MFGE8: variants seen among roughly 807,000 people sequenced by gnomAD.
MFGE8 encodes lactadherin.
A neutral mutation model predicts 42.6 loss-of-function variants in MFGE8; 34 were observed. The observed-to-expected ratio is 0.80, with a 90% confidence interval of 0.61 to 1.06. The LOEUF (loss-of-function observed/expected upper bound fraction) is 1.06, where lower values mean the gene tolerates loss of function less well. MFGE8 is among the 50% of genes least tolerant of loss of function. The pLI, the probability that MFGE8 is intolerant of heterozygous loss-of-function variation, is 0.00. For synonymous variants in MFGE8, 230 were observed against 214.8 expected (o/e 1.07, Z -0.62); for missense variants, 510 against 516.9 (o/e 0.99, Z 0.13).
rs1012103579 is a variant in MFGE8, at chr15:88,899,082, G to A, written c.*313C>T. On this transcript the variant is annotated 3_prime_UTR_variant, in exon 8 of 8. Transcript: ENST00000268150. This position sits in a 1 kb window ranked among gnomAD's most constrained non-coding sequence, Gnocchi z 6.8. Reference sequence around the variant, plus strand: ...CACACGCACCTGGGATCGGCGGTCCGGACAGGGGCAGGGAAACCACACGCC... The same window carrying A: ...CACACGCACCTGGGATCGGCGGTCCAGACAGGGGCAGGGAAACCACACGCC... The A allele has an allele frequency of 1.0e-4, 46 of 455,110 alleles. No individual in the cohort carries two copies. The highest frequency in any genetic ancestry group is 2.7e-4 in the Admixed American group (8 of 29,320). 28.2% of individuals were successfully genotyped at this position (455,110 alleles called of 1,614,324 possible).
At chr15:88,900,989 TCACACACACACATTCA>T (rs796175245) in intron 6 of MFGE8, among the ~76,000 whole-genome samples, 19 of 78,574 alleles carry the variant, frequency 2.4e-4, no homozygotes, top group South Asian at 7.6e-4. Context: ...ACACACACAT[TCACACACACACATTCA>T]CACACACACA....
rs1899045731 is a variant in MFGE8, at chr15:88,913,120, G to GC, written c.73+126dup. Reference sequence around the variant, plus strand: ...GCGCAGCGGAAGAAGCCGCCCCTCTGCCCAGCCCGGTCCCCGGGGCTTTGT... The same window carrying GC: ...GCGCAGCGGAAGAAGCCGCCCCTCTGCCCCAGCCCGGTCCCCGGGGCTTTGT... On this transcript the variant is annotated intron_variant, in intron 1 of 7. Coordinates refer to ENST00000268150, the MANE Select transcript of MFGE8 (RefSeq NM_005928.4). 8 of 1,357,102 alleles carry GC rather than the reference G, an allele frequency of 5.9e-6. No individual in the cohort carries two copies. The South Asian group carries it at 1.3e-4, about 22-fold the overall frequency. 84.1% of individuals were successfully genotyped at this position (1,357,102 alleles called of 1,614,324 possible).
chr15:88,908,276 G>A (rs898826902), intron 2 of MFGE8, among the ~76,000 whole-genome samples: 13 of 152,218 alleles, frequency 8.5e-5, no homozygotes, highest in Middle Eastern at 3.4e-3. Flanking sequence ...TCACAGGCGC[G>A]GACGAGCTCA....
In MFGE8 at chr15:88,905,825, C is replaced by G. The variant is rs1195114799; in HGVS notation, c.617G>C (p.Arg206Thr). ...FETPVEAQYVRLYPTSCHTAC... is the reference protein window; with the variant it reads ...FETPVEAQYVTLYPTSCHTAC... ...CGTGTGGCAGCTCGTGGGGTACAAT[C>G]TCACGTACTGAGCCTCCACAGGGGT... The change falls in exon 5 of 8, where the codon AGA becomes ACA. Residue 206 changes from arginine to threonine, a missense_variant. Transcript: ENST00000268150. This position sits in a 1 kb window ranked among gnomAD's most constrained non-coding sequence, Gnocchi z 6.6. The G allele has an allele frequency of 1.9e-6, 3 of 1,614,240 alleles. No homozygotes were observed. The highest frequency in any genetic ancestry group is 2.5e-6 in the Non-Finnish European group (3 of 1,180,046).
At chr15:88,907,003 T>TC (rs1223109347) in intron 3 of MFGE8, among the ~76,000 whole-genome samples, 192 bp downstream of exon 3, 9 of 151,952 alleles carry the variant, frequency 5.9e-5, no homozygotes, top group Non-Finnish European at 1.3e-4. Context: ...TGGGGCCTCC[T>TC]CCCCCCTCAC....
At chr15:88,912,929 C>A (rs1446559016) in intron 1 of MFGE8, 15 of 985,194 alleles carry the variant, frequency 1.5e-5, no homozygotes, top group Non-Finnish European at 1.4e-5. Flanking sequence ...AGTTCCCTGG[C>A]CTCATTTTTC....
chr15:88,911,753 C>T (rs769790798), intron 1 of MFGE8, among the ~76,000 whole-genome samples: 1 of 151,082 alleles, frequency 6.6e-6, no homozygotes, highest in Non-Finnish European at 1.5e-5. Flanking sequence ...AAAAAAAAAA[C>T]CTTTTTGCCT....
Position 88,907,328 on chromosome 15 carries a change from T to A in MFGE8, c.254A>T (p.Gln85Leu). 1.2e-6 allele frequency: 2 copies of A among 1,614,194 alleles called. No homozygotes were observed. The highest frequency in any genetic ancestry group is 2.2e-5 in the South Asian group (2 of 91,088). The change falls in exon 3 of 8, where the codon CAG (glutamine) becomes CTG (leucine). Residue 85 changes from glutamine (Q) to leucine (L), a missense_variant. By Grantham distance (113) the Gln-to-Leu change is moderately radical. Transcript: ENST00000268150. ...CACACGCACAGACGAGGCGGCGATC[T>A]GTGAGTTGGCAATGTTCCCATTCTC... ...GLENGNIANS[Q>L]IAASSVRVTF...
At chr15:88,901,833 C>G (rs79962447) in intron 5 of MFGE8, 98 bp from the exon 6 acceptor site, 75 of 1,199,234 alleles carry the variant, frequency 6.3e-5, no homozygotes, top group Non-Finnish European at 8.6e-5. Context: ...TGGATCCTGA[C>G]CAGCCCCTGT....
chr15:88,911,314 T>C (rs1192520824), intron 1 of MFGE8, among the ~76,000 whole-genome samples: 2 of 152,216 alleles, frequency 1.3e-5, no homozygotes, highest in Non-Finnish European at 2.9e-5. Context: ...CTCAATCCCT[T>C]GACTCTGGTG....
At chr15:88,909,127 G>A (rs894198800) in intron 2 of MFGE8, among the ~76,000 whole-genome samples, 1 of 152,162 alleles carries the variant, frequency 6.6e-6, no homozygotes, top group African/African-American at 2.4e-5. Flanking sequence ...ACTCCAGCTG[G>A]GCCTGGAGGG....
At position 88,906,593 on chromosome 15, in the gene MFGE8, A is replaced by G; in HGVS notation, c.540+33T>C. On this transcript the variant is annotated intron_variant, in intron 4 of 7. Coordinates refer to ENST00000268150, the MANE Select transcript of MFGE8 (RefSeq NM_005928.4). This position sits in a 1 kb window ranked among gnomAD's most constrained non-coding sequence, Gnocchi z 4.2. ...GCTAGAACCTTAGGGGGTATGGACCACAGCCCTTCTTTCGGGCCCCAACAA... is the reference window on the plus strand; with the variant it reads ...GCTAGAACCTTAGGGGGTATGGACCGCAGCCCTTCTTTCGGGCCCCAACAA... 2 of 1,613,360 alleles carry G rather than the reference A, an allele frequency of 1.2e-6. No individual in the cohort carries two copies. Among genetic ancestry groups the G allele is most frequent in the Non-Finnish European group, 1.7e-6 (2 of 1,179,570 alleles).
chr15:88,901,452 G>A (rs1898424731), intron 6 of MFGE8, 99 bp downstream of exon 6: 5 of 1,199,316 alleles, frequency 4.2e-6, no homozygotes, highest in Non-Finnish European at 6.1e-6. Context: ...CTCTTTTGGG[G>A]AGCAGAAGAG....
Position 88,905,604 on chromosome 15 carries a change from G to A in MFGE8, c.685+153C>T, listed in dbSNP as rs766606163. 5.0e-6 allele frequency: 5 copies of A among 992,200 alleles called. No individual in the cohort carries two copies. Among genetic ancestry groups the A allele is most frequent in the African/African-American group, 1.6e-5 (1 of 62,744 alleles). 61.5% of individuals were successfully genotyped at this position (992,200 alleles called of 1,614,324 possible). A position where few individuals can be genotyped will look rare whatever the true frequency, so the allele number is the denominator to read the frequency against. On this transcript the variant is annotated intron_variant, in intron 5 of 7. Transcript: ENST00000268150. This position sits in a 1 kb window ranked among gnomAD's most constrained non-coding sequence, Gnocchi z 6.6. ...CTGGGTGGGGCTGCTATGGCCAGGT[G>A]ACCCCCTAGAGTGCGTTGCCCGAGT...
At position 88,901,679 on chromosome 15, in the gene MFGE8, C is replaced by T. The variant is rs1354791423; in HGVS notation, c.742G>A (p.Ala248Thr). Residue 248 changes from alanine to threonine, a missense_variant, in exon 6 of 8, where the codon GCC becomes ACC. Physicochemically the swap from Ala to Thr is moderately conservative, Grantham distance 58 (BLOSUM62 0). Coordinates refer to ENST00000268150, the MANE Select transcript of MFGE8 (RefSeq NM_005928.4). ...NNSIPDKQIT[A>T]SSSYKTWGLH... The stretch of plus-strand genomic sequence containing the variant: ...CCCCAGGTCTTGTAGCTGCTGGAGG[C>T]CGTGATCTGCTTGTCAGGGATGCTG... 6.2e-7 allele frequency: 1 copy of T among 1,613,816 alleles called. No homozygotes were observed.
chr15:88,902,082 T>C lies in MFGE8; in HGVS notation c.686-347A>G. Reference sequence around the variant, plus strand: ...GACACCTCCTCCAAGAAGTCTGCCCTGACTACTTCACTTGGGCAGGATTTC... The same window carrying C: ...GACACCTCCTCCAAGAAGTCTGCCCCGACTACTTCACTTGGGCAGGATTTC... On this transcript the variant is annotated intron_variant, in intron 5 of 7. Transcript: ENST00000268150. This position sits in a 1 kb window ranked among gnomAD's most constrained non-coding sequence, Gnocchi z 4.3. 2.8e-6 allele frequency: 1 copy of C among 356,552 alleles called. No individual in the cohort carries two copies. Among genetic ancestry groups the C allele is most frequent in the South Asian group, 2.5e-5 (1 of 40,666 alleles). The allele number at this position is 356,552 out of a possible 1,614,324, so 22.1% of individuals were successfully genotyped here.
Position 88,913,265 on chromosome 15 carries a change from TG to T in MFGE8, c.54del (p.Ser19AlafsTer75). ...CACTCACCCAGGGCGACGAGGAGGC[TG>T]GGGGCGCAGAGCAGCGCGCCGCACA... is the stretch of plus-strand genomic sequence containing the variant. ...AALCGALLCA[P>X]SLLVALDICS... is the part of the protein sequence containing the mutation. On this transcript the variant is annotated frameshift_variant, in exon 1 of 8. Coordinates refer to ENST00000268150, the MANE Select transcript of MFGE8 (RefSeq NM_005928.4). LOFTEE classifies it high-confidence loss of function. 12 of 1,504,994 alleles carry T rather than the reference TG, an allele frequency of 8.0e-6. No individual in the cohort carries two copies. The highest frequency in any genetic ancestry group is 2.1e-5 in the Admixed American group (1 of 47,572). 93.2% of individuals were successfully genotyped at this position (1,504,994 alleles called of 1,614,324 possible). A position where few individuals can be genotyped will look rare whatever the true frequency, so the allele number is the denominator to read the frequency against.
intron 2 of MFGE8, among the ~76,000 whole-genome samples, chr15:88,908,995 C>A (rs1015591975): frequency 1.3e-5 from 2 of 152,166 alleles, no homozygotes; most frequent in Admixed American, 6.5e-5. Context: ...AGATGCTCAG[C>A]GATTGACCTG....
Position 88,901,623 on chromosome 15 carries a change from A to G in MFGE8, c.798T>C (p.Tyr266=). The G allele has an allele frequency of 6.2e-7, 1 of 1,612,272 alleles. No individual in the cohort carries two copies. The highest frequency in any genetic ancestry group is 8.5e-7 in the Non-Finnish European group (1 of 1,179,070). ...GLHLFSWNPS[Y]ARLDKQGNFN... is the part of the protein sequence containing the mutation. ...AGTTGCCCTGCTTGTCCAGCCGTGC[A>G]TAGGAGGGGTTCCAGCTGAAGAGAT... Residue 266 remains tyrosine (Y), a synonymous_variant, in exon 6 of 8, where the codon TAT becomes TAC. Coordinates refer to ENST00000268150, the MANE Select transcript of MFGE8 (RefSeq NM_005928.4).
Sources: gnomAD v4.1 joint callset for allele counts (sites outside exome capture counted in the v4.1 genomes callset) on GRCh38, gnomAD v4.1.1 for gene constraint, Gnocchi (gnomAD v3.1) non-coding constraint, MANE v1.5 for transcripts, NCBI Gene and HGNC (gene_info 2026-07-23, HGNC 2026-07-21) for gene names.